Variants in NRP2 observed in about 807,000 individuals in gnomAD.
NRP2 encodes neuropilin-2.
Under a neutral mutation model 110.4 loss-of-function variants are expected in NRP2, and 52 were observed. The observed-to-expected ratio is 0.47, with a 90% CI of 0.38 to 0.59. NRP2 has a LOEUF of 0.59. Among genes scored for constraint, NRP2 ranks in the 20% least tolerant of loss-of-function variants. The probability of loss-of-function intolerance (pLI) is 0.00; values close to 1 mark genes in which losing one functional copy is unlikely to be tolerated. For synonymous variants in NRP2, 508 were observed against 468.9 expected (o/e 1.08, Z -1.08); for missense variants, 1,049 against 1,203.0 (o/e 0.87, Z 1.89).
rs3834160 is a variant in NRP2 at position 205,729,942 on chromosome 2, TTTTTTG to T, written c.1146+1919_1146+1924del. The stretch of plus-strand genomic sequence containing the variant: ...AGCAGCCAAGGGGTAACTTGAGAGT[TTTTTTG>T]TTTTTGTTTTTGTTTTTGTTTTACT... On this transcript the variant is annotated intron_variant, in intron 7 of 16. Transcript: ENST00000357785. 1.9e-3 allele frequency among the ~76,000 whole-genome samples: 288 copies of T among 152,236 alleles called. 2 individuals are homozygous for T. The highest frequency in any genetic ancestry group is 4.6e-3 in the Admixed American group (71 of 15,290).
At chr2:205,766,831 T>A (rs748259363) in intron 15 of NRP2, 28 bp downstream of exon 15, 11 of 1,605,158 alleles carry the variant, frequency 6.9e-6, no homozygotes, top group African/African-American at 5.4e-5. Flanking sequence ...AAAAAAAAAT[T>A]TTTTTTTTGC....
intron 1 of NRP2, among the ~76,000 whole-genome samples, chr2:205,690,977 G>C (rs940035525): frequency 6.6e-6 from 1 of 152,040 alleles, no homozygotes. Flanking sequence ...AACAGCTGGG[G>C]GTGGGGAGGG....
Position 205,697,691 on chromosome 2 carries a change from C to G in NRP2, c.221C>G (p.Pro74Arg). The G allele has an allele frequency of 6.2e-7, 1 of 1,614,046 alleles. No homozygotes were observed. Among genetic ancestry groups the G allele is most frequent in the African/African-American group, 1.3e-5 (1 of 74,976 alleles). ...PNQKIVLNFNPHFEIEKHDCK... is the reference protein window; with the variant it reads ...PNQKIVLNFNRHFEIEKHDCK... ...CAGAAGATTGTCCTCAACTTCAACC[C>G]TCACTTTGAAATCGAGAAGCACGAC... Residue 74 changes from proline to arginine, a missense_variant, in exon 2 of 17, where the codon CCT (proline) becomes CGT (arginine). By Grantham distance (103) the Pro-to-Arg change is moderately radical. Coordinates refer to ENST00000357785, the MANE Select transcript of NRP2 (RefSeq NM_003872.3).
intron 2 of NRP2, 73 bp from the exon 3 acceptor site, chr2:205,716,119 TA>T: frequency 6.8e-7 from 1 of 1,477,500 alleles, no homozygotes; most frequent in South Asian, 1.1e-5. Flanking sequence ...TAGAGAGACA[TA>T]AGTGGGAGCG....
intron 12 of NRP2, among the ~76,000 whole-genome samples, chr2:205,757,364 T>C (rs934145471): frequency 2.6e-5 from 4 of 152,160 alleles, no homozygotes; most frequent in Admixed American, 6.5e-5. Context: ...TGGGGCTATT[T>C]TGATGCAGAC....
chr2:205,767,916 T>G (rs1313559878), intron 15 of NRP2: 1 of 153,168 alleles, frequency 6.5e-6, no homozygotes, highest in African/African-American at 2.4e-5. Flanking sequence ...GCAGCCATTT[T>G]TATATCTGCC....
At chr2:205,756,606 G>T (rs948754653) in intron 12 of NRP2, 2 of 152,200 alleles carry the variant, frequency 1.3e-5, no homozygotes, top group African/African-American at 4.8e-5. Context: ...CATAGACAGG[G>T]CACGTCACTG....
intron 2 of NRP2, among the ~76,000 whole-genome samples, chr2:205,700,275 C>T (rs2056524620): frequency 6.6e-6 from 1 of 152,210 alleles, no homozygotes; most frequent in South Asian, 2.1e-4. Context: ...CTGCTTTCTC[C>T]TTTTATTTTG....
rs1553597986 is a variant in NRP2, at chr2:205,769,535, C to CAG, written c.2425+2733_2425+2734insGA. 9.2e-5 allele frequency among the ~76,000 whole-genome samples: 14 copies of CAG among 151,932 alleles called. No individual in the cohort carries two copies. In the Middle Eastern group the frequency reaches 0.01, roughly 111 times the overall value. On this transcript the variant is annotated intron_variant, in intron 15 of 16. Transcript: ENST00000357785. ...ACACACACACACACACACACACACA[C>CAG]ACACAGACACATTGTGTGCCAGGAT...
intron 7 of NRP2, among the ~76,000 whole-genome samples, chr2:205,737,729 G>A (rs1047713171): frequency 2.6e-5 from 4 of 152,236 alleles, no homozygotes; most frequent in African/African-American, 9.6e-5. Context: ...TGATTCAAGG[G>A]TGGGAGAAGA....
chr2:205,742,978 C>T (rs1259469643), intron 8 of NRP2, among the ~76,000 whole-genome samples: 1 of 152,170 alleles, frequency 6.6e-6, no homozygotes, highest in African/African-American at 2.4e-5. Flanking sequence ...ATAATTTGCC[C>T]AAGGCCCTCT....
chr2:205,718,910 C>T (rs2056955845), intron 3 of NRP2, among the ~76,000 whole-genome samples: 1 of 149,052 alleles, frequency 6.7e-6, no homozygotes, highest in Admixed American at 6.7e-5. Flanking sequence ...CCATTGCACT[C>T]CAGCCTGGAC....
chr2:205,717,215 G>T (rs577424704), intron 3 of NRP2, among the ~76,000 whole-genome samples: 1 of 151,954 alleles, frequency 6.6e-6, no homozygotes, highest in African/African-American at 2.4e-5. Context: ...ATGTCCTCCA[G>T]TCCTCCCCAC....
At chr2:205,699,402 C>T (rs1256255065) in intron 2 of NRP2, among the ~76,000 whole-genome samples, 3 of 152,194 alleles carry the variant, frequency 2.0e-5, no homozygotes, top group Non-Finnish European at 2.9e-5. Context: ...GACTAAGCAC[C>T]TTTCTCTACT....
chr2:205,685,882 A>C (rs2056145631), intron 1 of NRP2: 1 of 152,366 alleles, frequency 6.6e-6, no homozygotes, highest in South Asian at 2.1e-4. Context: ...GGAAGGAACC[A>C]GCTTGAGCCC....
At chr2:205,752,808 C>T in intron 11 of NRP2, 27 bp from the exon 12 acceptor site, 1 of 1,613,692 alleles carries the variant, frequency 6.2e-7, no homozygotes. Flanking sequence ...ATTTGCCTTC[C>T]TTTGGGTTAT....
rs764357213 is a variant in NRP2, at chr2:205,763,901, C to A, written c.2272C>A (p.Arg758=). Residue 758 remains arginine (R), a synonymous_variant, in exon 13 of 17, where the codon CGG becomes AGG. Coordinates refer to ENST00000357785, the MANE Select transcript of NRP2 (RefSeq NM_003872.3). The surrounding 1 kb of genome is among the most constrained non-coding windows in gnomAD (Gnocchi z 4.0). ...EDQGGEWKHG[R]IILPSYDMEY... is the part of the protein sequence containing the mutation. ...CCAGGGCGGCGAGTGGAAGCACGGGCGGATCATCCTGCCCAGCTACGACAT... is the reference window on the plus strand; with the variant it reads ...CCAGGGCGGCGAGTGGAAGCACGGGAGGATCATCCTGCCCAGCTACGACAT... 14 of 1,613,814 alleles carry A rather than the reference C, an allele frequency of 8.7e-6. No individual in the cohort carries two copies. The African/African-American group carries it at 1.3e-4, about 15-fold the overall frequency.
rs569530464 is a variant in NRP2, at chr2:205,716,434, G to A, written c.433+60G>A. ...GCGTCTTAGAGAAGAAGGAGGGACA[G>A]CACCCAGTGGGCTGAGGCACTGGGT... On this transcript the variant is annotated intron_variant, in intron 3 of 16. Transcript: ENST00000357785. The A allele has an allele frequency of 3.8e-6, 6 of 1,577,534 alleles. No individual in the cohort carries two copies. The African/African-American group carries it at 6.7e-5, about 18-fold the overall frequency.
Position 205,722,874 on chromosome 2 carries a change from T to C in NRP2, c.664+166T>C, listed in dbSNP as rs542434603. Among the ~76,000 whole-genome samples the C allele has an allele frequency of 6.2e-4, 94 of 152,376 alleles. 1 individual carries two copies. Among genetic ancestry groups the C allele is most frequent in the Middle Eastern group, 3.4e-3 (1 of 294 alleles). On this transcript the variant is annotated intron_variant, in intron 4 of 16. Coordinates refer to ENST00000357785, the MANE Select transcript of NRP2 (RefSeq NM_003872.3). ...TCACTAAGGATAGCTTGAGAGAAATTACAGGAAGGCTGTCTACTTTCTTGG... is the reference window on the plus strand; with the variant it reads ...TCACTAAGGATAGCTTGAGAGAAATCACAGGAAGGCTGTCTACTTTCTTGG...
Sources: gnomAD v4.1 joint callset for allele counts (sites outside exome capture counted in the v4.1 genomes callset) on GRCh38, gnomAD v4.1.1 for gene constraint, Gnocchi (gnomAD v3.1) non-coding constraint, MANE v1.5 for transcripts, NCBI Gene and HGNC (gene_info 2026-07-23, HGNC 2026-07-21) for gene names.